The following MAN2A1 variants were observed in gnomAD, a reference collection of about 807,000 sequenced individuals.
The protein encoded by MAN2A1 is mannosidase alpha class 2A member 1.
In MAN2A1, 76 loss-of-function variants were observed where a neutral mutation model predicts 142.6. The ratio of observed to expected loss-of-function variants is 0.53; its 90% CI spans 0.44 to 0.65. The LOEUF (loss-of-function observed/expected upper bound fraction) is 0.65. MAN2A1 is among the 30% of genes least tolerant of loss of function. The pLI is 0.00. For synonymous variants in MAN2A1, 559 were observed against 473.2 expected (o/e 1.18, Z -2.35); for missense variants, 1,311 against 1,365.1 (o/e 0.96, Z 0.62).
chr5:109,718,486 G>T (rs1249352836), intron 3 of MAN2A1, among the ~76,000 whole-genome samples: 1 of 152,168 alleles, frequency 6.6e-6, no homozygotes, highest in Non-Finnish European at 1.5e-5. Context: ...CTAACAAGGG[G>T]CACCAGAATA....
chr5:109,820,135 T>A lies in MAN2A1; in HGVS notation c.2329-85T>A. 2 of 1,213,506 alleles carry A rather than the reference T, an allele frequency of 1.6e-6. 1 individual carries two copies. Among genetic ancestry groups the A allele is most frequent in the South Asian group, 3.0e-5 (2 of 66,168 alleles). 75.2% of individuals were successfully genotyped at this position (1,213,506 alleles called of 1,614,324 possible). ...CAGATAAGTACAGAAATTATTTTTT[T>A]AAATTGTCATATACATAGAACCAGA... is the stretch of plus-strand genomic sequence containing the variant. On this transcript the variant is annotated intron_variant, in intron 14 of 21. Coordinates refer to ENST00000261483, the MANE Select transcript of MAN2A1 (RefSeq NM_002372.4).
At position 109,744,924 on chromosome 5, in the gene MAN2A1, T is replaced by TA. The variant is rs572539840; in HGVS notation, c.708-10398dup. On this transcript the variant is annotated intron_variant, in intron 4 of 21. Coordinates refer to ENST00000261483, the MANE Select transcript of MAN2A1 (RefSeq NM_002372.4). The stretch of plus-strand genomic sequence containing the variant: ...ATTCATACAACAGAATACCTAGCAG[T>TA]AAAAAAATGATAAATTACTGAAATA... 2.0e-3 allele frequency among the ~76,000 whole-genome samples: 306 copies of TA among 152,132 alleles called. 2 individuals are homozygous for TA. The highest frequency in any genetic ancestry group is 7.1e-3 in the African/African-American group (293 of 41,486).
intron 4 of MAN2A1, among the ~76,000 whole-genome samples, chr5:109,741,868 C>T (rs1752277532): frequency 6.6e-6 from 1 of 152,180 alleles, no homozygotes; most frequent in African/African-American, 2.4e-5. Flanking sequence ...ATAGTACCTA[C>T]TGGTAATACA....
rs753807646 is a variant in MAN2A1, at chr5:109,713,482, A to G, written c.136-38A>G. 5 of 1,541,558 alleles carry G rather than the reference A, an allele frequency of 3.2e-6. No homozygotes were observed. In the South Asian group the frequency reaches 5.0e-5, roughly 15 times the overall value. ...GTGTATGCCTCAGCAGATCTATATT[A>G]GTATTTCATATAGCTGCCTTTTTCT... is the stretch of plus-strand genomic sequence containing the variant. On this transcript the variant is annotated intron_variant, in intron 1 of 21. Transcript: ENST00000261483.
At chr5:109,762,465 A>T (rs1453168338) in intron 5 of MAN2A1, among the ~76,000 whole-genome samples, 1 of 152,086 alleles carries the variant, frequency 6.6e-6, no homozygotes, top group Non-Finnish European at 1.5e-5. Flanking sequence ...TTTTTCTACA[A>T]CGTGAAGGTG....
chr5:109,710,148 A>G (rs746968914), intron 1 of MAN2A1, among the ~76,000 whole-genome samples: 44 of 152,208 alleles, frequency 2.9e-4, no homozygotes, highest in Admixed American at 5.9e-4. Context: ...TTCTCCATGT[A>G]CTTAATTCAG....
rs1441969090 is a variant in MAN2A1 at position 109,693,201 on chromosome 5, CT to C, written c.135+2652del. On this transcript the variant is annotated intron_variant, in intron 1 of 21. Coordinates refer to ENST00000261483, the MANE Select transcript of MAN2A1 (RefSeq NM_002372.4). ...GAGATTTATACCCTTCCCAGAATGT[CT>C]TTGAGCTCATTTCAGAGCTAAACAT... Among the ~76,000 whole-genome samples, 6 of 152,188 alleles carry C rather than the reference CT, an allele frequency of 3.9e-5. No homozygotes were observed. The East Asian group carries it at 7.7e-4, about 20-fold the overall frequency.
Position 109,820,312 on chromosome 5 carries a change from C to T in MAN2A1, c.2421C>T (p.Ala807=). The T allele has an allele frequency of 1.2e-6, 2 of 1,613,120 alleles. No individual in the cohort carries two copies. Among genetic ancestry groups the T allele is most frequent in the Non-Finnish European group, 1.7e-6 (2 of 1,179,414 alleles). ...GTTIKRDKSG[A]YLFLPDGNAK... ...CAATTAAAAGAGACAAAAGTGGTGC[C>T]TACCTCTTCTTACCTGATGGTAATG... The change falls in exon 15 of 22, where the codon GCC becomes GCT. Residue 807 remains alanine (A), a synonymous_variant. Transcript: ENST00000261483.
intron 5 of MAN2A1, among the ~76,000 whole-genome samples, chr5:109,759,954 T>G (rs897716188): frequency 6.5e-4 from 19 of 29,110 alleles, no homozygotes; most frequent in Admixed American, 1.2e-3. Context: ...TTGCTATATA[T>G]ATATATATAT....
intron 6 of MAN2A1, 120 bp from the exon 7 acceptor site, chr5:109,770,235 G>T (rs1753106983): frequency 2.4e-6 from 2 of 850,944 alleles, no homozygotes; most frequent in Non-Finnish European, 3.7e-6. Flanking sequence ...AGTTAAAGGG[G>T]CTGCTGATTT....
chr5:109,808,826 C>A (rs547210865), intron 12 of MAN2A1, among the ~76,000 whole-genome samples: 14 of 151,900 alleles, frequency 9.2e-5, no homozygotes, highest in African/African-American at 2.9e-4. Flanking sequence ...GCCTCAGCCT[C>A]CTGAGTAGCT....
At chr5:109,834,238 C>T (rs1755004005) in intron 16 of MAN2A1, among the ~76,000 whole-genome samples, 2 of 152,112 alleles carry the variant, frequency 1.3e-5, no homozygotes, top group Non-Finnish European at 2.9e-5. Flanking sequence ...CTGTCCTAGA[C>T]CAGCCCAAGC....
rs944851157 is a variant in MAN2A1 at position 109,868,233 on chromosome 5, C to T, written c.*1235C>T. The T allele has an allele frequency of 2.0e-5, 3 of 152,120 alleles. No homozygotes were observed. Among genetic ancestry groups the T allele is most frequent in the African/African-American group, 7.2e-5 (3 of 41,430 alleles). 9.4% of individuals were successfully genotyped at this position (152,120 alleles called of 1,614,324 possible). On this transcript the variant is annotated 3_prime_UTR_variant, in exon 22 of 22. Coordinates refer to ENST00000261483, the MANE Select transcript of MAN2A1 (RefSeq NM_002372.4). ...TGTTTTGAAACCCACTTTTATGTAG[C>T]TCATCATGGTTTATCTTACTAAGGA...
intron 4 of MAN2A1, among the ~76,000 whole-genome samples, chr5:109,734,534 T>G (rs1752026275): frequency 6.6e-6 from 1 of 152,218 alleles, no homozygotes; most frequent in Non-Finnish European, 1.5e-5. Context: ...CTCTACACAC[T>G]GCTTTGAATG....
chr5:109,849,278 C>G (rs1005287371), intron 19 of MAN2A1, among the ~76,000 whole-genome samples: 6 of 152,206 alleles, frequency 3.9e-5, no homozygotes, highest in Admixed American at 2.6e-4. Context: ...GTAGAAGCCA[C>G]TAATACATAT....
Position 109,789,494 on chromosome 5 carries a change from A to T in MAN2A1, c.1910A>T (p.Gln637Leu). 4 of 1,583,640 alleles carry T rather than the reference A, an allele frequency of 2.5e-6. No individual in the cohort carries two copies. Among genetic ancestry groups the T allele is most frequent in the Non-Finnish European group, 3.4e-6 (4 of 1,162,082 alleles). ...LKQKSQDSLP[Q>L]KNIIRLSAEP... is the part of the protein sequence containing the mutation. ...CAAAAATCACAAGATTCTCTGCCACAAAAAAATATAATAAGGCTGAGTGCG... is the reference window on the plus strand; with the variant it reads ...CAAAAATCACAAGATTCTCTGCCACTAAAAAATATAATAAGGCTGAGTGCG... The change falls in exon 12 of 22, where the codon CAA becomes CTA. Residue 637 changes from glutamine (Q) to leucine (L), a missense_variant. By Grantham distance (113) the Gln-to-Leu change is moderately radical. This residue lies in a region of MAN2A1 where 890 missense variants were observed against 920.5 expected (regional missense o/e 0.97). Coordinates refer to ENST00000261483, the MANE Select transcript of MAN2A1 (RefSeq NM_002372.4).
At chr5:109,750,109 C>T (rs984421018) in intron 4 of MAN2A1, among the ~76,000 whole-genome samples, 3 of 152,002 alleles carry the variant, frequency 2.0e-5, no homozygotes, top group Non-Finnish European at 2.9e-5. Flanking sequence ...GTAGTTATCA[C>T]TAAATGATGA....
chr5:109,749,386 C>G (rs1168188654), intron 4 of MAN2A1, among the ~76,000 whole-genome samples: 1 of 152,038 alleles, frequency 6.6e-6, no homozygotes, highest in Non-Finnish European at 1.5e-5. Context: ...TAGTTTTGAT[C>G]AGTAATTTTC....
At chr5:109,815,606 A>G (rs897374881) in intron 12 of MAN2A1, among the ~76,000 whole-genome samples, 3 of 152,208 alleles carry the variant, frequency 2.0e-5, no homozygotes, top group Admixed American at 2.0e-4. Context: ...TGAACAATTT[A>G]TAAGTCTAGT....
Sources: allele counts gnomAD v4.1 joint callset (sites outside exome capture counted in the v4.1 genomes callset), GRCh38; gene constraint gnomAD v4.1.1; regional missense constraint gnomAD v4.1.1; transcripts MANE v1.5; gene names NCBI Gene and HGNC (gene_info 2026-07-23, HGNC 2026-07-21).